Variants in TMC1 observed in about 807,000 individuals in gnomAD.
TMC1 encodes the protein transmembrane channel-like protein 1.
In TMC1, 84 loss-of-function variants were observed where a neutral mutation model predicts 105.8. That is an observed-to-expected ratio of 0.79 (90% confidence interval 0.67 to 0.95). The LOEUF (loss-of-function observed/expected upper bound fraction) is 0.95. Among genes scored for constraint, TMC1 ranks in the 40% least tolerant of loss-of-function variants. TMC1 has a pLI of 0.00. For missense variants in TMC1, 817 were observed against 914.1 expected (o/e 0.89, Z 1.37); for synonymous variants, 315 against 311.5 (o/e 1.01, Z -0.12).
intron 12 of TMC1, among the ~76,000 whole-genome samples, chr9:72,757,756 A>G (rs1588068789): frequency 1.3e-5 from 2 of 152,316 alleles, no homozygotes; most frequent in South Asian, 2.1e-4. Context: ...AACATTTCAT[A>G]TCTTGGAGCA....
At chr9:72,608,969 CA>C in intron 2 of TMC1, among the ~76,000 whole-genome samples, 1 of 152,198 alleles carries the variant, frequency 6.6e-6, no homozygotes, top group Non-Finnish European at 1.5e-5. Context: ...CAAATAAAAA[CA>C]AAAACACCAC....
chr9:72,776,285 A>T (rs1280631295), intron 13 of TMC1, among the ~76,000 whole-genome samples: 1 of 151,852 alleles, frequency 6.6e-6, no homozygotes, highest in African/African-American at 2.4e-5. Flanking sequence ...TATATCACAA[A>T]CCAACCTCAA....
chr9:72,532,575 A>C (rs1463865879), intron 1 of TMC1, among the ~76,000 whole-genome samples: 2 of 146,332 alleles, frequency 1.4e-5, no homozygotes, highest in Admixed American at 6.8e-5. Flanking sequence ...AAAAAAAAAA[A>C]AAAAAAAAAA....
At chr9:72,626,674 A>G (rs1421680294) in intron 3 of TMC1, among the ~76,000 whole-genome samples, 1 of 152,176 alleles carries the variant, frequency 6.6e-6, no homozygotes, top group Non-Finnish European at 1.5e-5. Context: ...AGAGAGATGG[A>G]GTAAGACAAG....
At chr9:72,539,636 C>A (rs560426302) in intron 1 of TMC1, among the ~76,000 whole-genome samples, 1 of 152,226 alleles carries the variant, frequency 6.6e-6, no homozygotes, top group East Asian at 1.9e-4. Flanking sequence ...TGGTCAAAAC[C>A]ACTTAACTAA....
intron 11 of TMC1, among the ~76,000 whole-genome samples, chr9:72,752,572 G>A (rs1588065810): frequency 6.6e-6 from 1 of 152,062 alleles, no homozygotes; most frequent in South Asian, 2.1e-4. Flanking sequence ...AAAGCCCTGA[G>A]CTAATGTGGG....
chr9:72,695,906 C>G (rs900520209), intron 7 of TMC1, among the ~76,000 whole-genome samples: 5 of 151,922 alleles, frequency 3.3e-5, no homozygotes, highest in Admixed American at 1.3e-4. Flanking sequence ...TTTAAAGTTT[C>G]TTTATGCTTT....
At chr9:72,592,341 T>C (rs780794937) in intron 2 of TMC1, among the ~76,000 whole-genome samples, 3 of 152,146 alleles carry the variant, frequency 2.0e-5, no homozygotes, top group Non-Finnish European at 4.4e-5. Flanking sequence ...ATTACAGATA[T>C]AAACTTGGGG....
intron 4 of TMC1, among the ~76,000 whole-genome samples, chr9:72,643,801 A>G (rs1407872525): frequency 6.6e-6 from 1 of 152,172 alleles, no homozygotes; most frequent in Non-Finnish European, 1.5e-5. Flanking sequence ...CTTAGAGTAG[A>G]ATGCCTAAGT....
intron 1 of TMC1, among the ~76,000 whole-genome samples, chr9:72,563,625 G>T (rs534849041): frequency 1.3e-5 from 2 of 152,054 alleles, no homozygotes; most frequent in Non-Finnish European, 2.9e-5. Context: ...TTGACTGGGC[G>T]CAGTGGCTCA....
rs539201794 is a variant in TMC1, at chr9:72,588,224, C to G, written c.-306+10201C>G. Reference sequence around the variant, plus strand: ...TTTAAAGACGGCTTCACTCCTGTCACTTTGCTTACTTACTGCTGTATAACA... The same window carrying G: ...TTTAAAGACGGCTTCACTCCTGTCAGTTTGCTTACTTACTGCTGTATAACA... On this transcript the variant is annotated intron_variant, in intron 2 of 23. Coordinates refer to ENST00000297784, the MANE Select transcript of TMC1 (RefSeq NM_138691.3). 1.2e-4 allele frequency among the ~76,000 whole-genome samples: 18 copies of G among 152,324 alleles called. No individual in the cohort carries two copies. In the South Asian group the frequency reaches 1.9e-3, roughly 16 times the overall value.
intron 8 of TMC1, among the ~76,000 whole-genome samples, chr9:72,708,267 G>A (rs1214437476): frequency 6.6e-6 from 1 of 152,116 alleles, no homozygotes; most frequent in African/African-American, 2.4e-5. Flanking sequence ...GGCTCCATAT[G>A]AATTTTAGAA....
At chr9:72,826,833 T>C in intron 20 of TMC1, 36 bp from the exon 21 acceptor site, 1 of 1,611,382 alleles carries the variant, frequency 6.2e-7, no homozygotes, top group Non-Finnish European at 8.5e-7. Context: ...CCATATGTTC[T>C]TAATAAACTT....
intron 15 of TMC1, among the ~76,000 whole-genome samples, chr9:72,790,035 G>T (rs1588084523): frequency 6.6e-6 from 1 of 152,306 alleles, no homozygotes; most frequent in East Asian, 1.9e-4. Flanking sequence ...AAGGAGGTTA[G>T]ACATAGATCA....
chr9:72,686,949 T>C (rs1194153629), intron 5 of TMC1, among the ~76,000 whole-genome samples: 1 of 152,194 alleles, frequency 6.6e-6, no homozygotes, highest in Non-Finnish European at 1.5e-5. Flanking sequence ...CCGGAGAAGA[T>C]GATTCATGAC....
At chr9:72,569,471 C>G (rs1339110658) in intron 1 of TMC1, among the ~76,000 whole-genome samples, 4 of 152,150 alleles carry the variant, frequency 2.6e-5, no homozygotes, top group African/African-American at 9.7e-5. Context: ...GTGAAAAAAG[C>G]TGGACTCTGT....
At chr9:72,547,773 C>A (rs182658186) in intron 1 of TMC1, among the ~76,000 whole-genome samples, 14 of 152,154 alleles carry the variant, frequency 9.2e-5, no homozygotes, top group African/African-American at 3.1e-4. Flanking sequence ...TTCTATACCC[C>A]CCATGAACCT....
chr9:72,822,666 TCAGAGTA>T (rs1828895506), intron 20 of TMC1, among the ~76,000 whole-genome samples: 1 of 152,132 alleles, frequency 6.6e-6, no homozygotes, highest in African/African-American at 2.4e-5. Flanking sequence ...CGAACCAATC[TCAGAGTA>T]CAAAGTTCAA....
chr9:72,566,045 G>A (rs1564414221), intron 1 of TMC1, among the ~76,000 whole-genome samples: 1 of 152,102 alleles, frequency 6.6e-6, no homozygotes, highest in Non-Finnish European at 1.5e-5. Flanking sequence ...AAACAAAAGA[G>A]AAGAGACAGG....
Sources: allele counts gnomAD v4.1 joint callset (sites outside exome capture counted in the v4.1 genomes callset), GRCh38; gene constraint gnomAD v4.1.1; transcripts MANE v1.5; gene names NCBI Gene and HGNC (gene_info 2026-07-23, HGNC 2026-07-21).